ADK: variants seen among roughly 807,000 people sequenced by gnomAD.
The protein encoded by ADK is N6,N6-dimethyladenosine kinase.
ADK carries 24 observed loss-of-function variants against 44.7 expected under a neutral mutation model. The observed-to-expected ratio is 0.54, with a 90% CI of 0.39 to 0.76. ADK has a LOEUF of 0.76. Ranked by LOEUF, ADK falls within the 30% of genes least tolerant of loss-of-function variation. The probability of loss-of-function intolerance (pLI) is 0.00; values close to 1 mark genes in which losing one functional copy is unlikely to be tolerated. For missense variants in ADK, 321 were observed against 425.1 expected (o/e 0.76, Z 2.15); for synonymous variants, 128 against 142.6 (o/e 0.90, Z 0.73).
At chr10:74,674,467 C>T (rs1473598274) in intron 10 of ADK, among the ~76,000 whole-genome samples, 1 of 152,148 alleles carries the variant, frequency 6.6e-6, no homozygotes, top group African/African-American at 2.4e-5. Flanking sequence ...AACTCTGTCT[C>T]TACTAAAAAT....
chr10:74,225,486 C>T (rs1057479560), intron 3 of ADK, among the ~76,000 whole-genome samples: 1 of 152,140 alleles, frequency 6.6e-6, no homozygotes, highest in Non-Finnish European at 1.5e-5. Flanking sequence ...TAGAGGACTT[C>T]AAGACTATTA....
intron 4 of ADK, among the ~76,000 whole-genome samples, chr10:74,392,824 A>C (rs1156898865): frequency 6.6e-6 from 1 of 152,082 alleles, no homozygotes; most frequent in African/African-American, 2.4e-5. Flanking sequence ...GAAGTTAACA[A>C]AATATCCTGG....
In ADK at chr10:74,370,230, C is replaced by G. The variant is rs192018883; in HGVS notation, c.274-23911C>G. Among the ~76,000 whole-genome samples, 280 of 152,210 alleles carry G rather than the reference C, an allele frequency of 1.8e-3. 4 individuals carry two copies. Among genetic ancestry groups the G allele is most frequent in the Non-Finnish European group, 7.9e-4 (54 of 67,978 alleles). ...AGCCAAAACTTAAACAATTGTACAC[C>G]TTAAATATGTACAGTTAATTTTGTT... On this transcript the variant is annotated intron_variant, in intron 4 of 10. Coordinates refer to ENST00000539909, the MANE Select transcript of ADK (RefSeq NM_006721.4).
intron 6 of ADK, among the ~76,000 whole-genome samples, chr10:74,461,000 A>G (rs1390914079): frequency 6.6e-6 from 1 of 152,188 alleles, no homozygotes; most frequent in African/African-American, 2.4e-5. Flanking sequence ...AATAAAAGAC[A>G]CTGTTGTAAT....
chr10:74,481,422 C>T (rs1014096833), intron 6 of ADK, among the ~76,000 whole-genome samples: 1 of 152,138 alleles, frequency 6.6e-6, no homozygotes. Context: ...TTTACACAGT[C>T]CTGACCTCCA....
intron 6 of ADK, among the ~76,000 whole-genome samples, chr10:74,493,097 T>G (rs776863308): frequency 6.6e-6 from 1 of 152,186 alleles, no homozygotes; most frequent in Non-Finnish European, 1.5e-5. Flanking sequence ...AATTTTTATA[T>G]CTGTAAAATG....
chr10:74,525,558 A>ACAAAATTGCCTCAGTT, intron 7 of ADK, 132 bp downstream of exon 7: 1 of 794,490 alleles, frequency 1.3e-6, no homozygotes, highest in Non-Finnish European at 2.0e-6. Context: ...GAATTGTGCA[A>ACAAAATTGCCTCAGTT]CAAAATTGCC....
chr10:74,367,723 C>T (rs1181398754), intron 4 of ADK, among the ~76,000 whole-genome samples: 1 of 152,146 alleles, frequency 6.6e-6, no homozygotes, highest in African/African-American at 2.4e-5. Context: ...ATACTGTAAA[C>T]AAGTGTCCTT....
chr10:74,651,891 C>G (rs1854286468), intron 9 of ADK, among the ~76,000 whole-genome samples: 2 of 151,966 alleles, frequency 1.3e-5, no homozygotes, highest in African/African-American at 4.8e-5. Context: ...GGTAAGAAGC[C>G]AGATATAAAA....
At position 74,431,507 on chromosome 10, in the gene ADK, G is replaced by A. The variant is rs539164155; in HGVS notation, c.555+32928G>A. Among the ~76,000 whole-genome samples the A allele has an allele frequency of 3.3e-5, 5 of 152,228 alleles. No individual in the cohort carries two copies. In the South Asian group the frequency reaches 8.3e-4, roughly 25 times the overall value. ...TGTAATCCCAACACTTTGGGAGGCC[G>A]AGGTGGGCAGATCACTTGAGGTCAG... On this transcript the variant is annotated intron_variant, in intron 6 of 10. Transcript: ENST00000539909.
chr10:74,522,934 A>G (rs983803912), intron 6 of ADK, among the ~76,000 whole-genome samples: 6 of 152,016 alleles, frequency 3.9e-5, no homozygotes, highest in Non-Finnish European at 8.8e-5. Flanking sequence ...CCTGCCCTTA[A>G]AAGCAAATCT....
At chr10:74,180,156 G>C (rs1348648894) in intron 1 of ADK, among the ~76,000 whole-genome samples, 2 of 151,242 alleles carry the variant, frequency 1.3e-5, no homozygotes, top group Non-Finnish European at 2.9e-5. Flanking sequence ...GAATATCTTG[G>C]GCCCCACTGA....
chr10:74,698,170 A>G (rs1442214595), intron 10 of ADK, among the ~76,000 whole-genome samples: 1 of 152,198 alleles, frequency 6.6e-6, no homozygotes, highest in Non-Finnish European at 1.5e-5. Flanking sequence ...ACGTCTCCTA[A>G]AGCTGGGAAA....
chr10:74,259,372 G>A (rs901251448), intron 3 of ADK, among the ~76,000 whole-genome samples: 2 of 150,262 alleles, frequency 1.3e-5, no homozygotes, highest in South Asian at 2.1e-4. Flanking sequence ...AATGATCTTT[G>A]TTTTCTGTGA....
intron 6 of ADK, among the ~76,000 whole-genome samples, chr10:74,406,459 A>G (rs1251888666): frequency 6.6e-6 from 1 of 151,146 alleles, no homozygotes; most frequent in East Asian, 1.9e-4. Flanking sequence ...TTATTTAACA[A>G]TAAGTTTTCT....
At chr10:74,565,596 G>A (rs1371212099) in intron 7 of ADK, among the ~76,000 whole-genome samples, 3 of 151,674 alleles carry the variant, frequency 2.0e-5, no homozygotes. Context: ...GCATGGTGGC[G>A]CATGCCTGTA....
intron 1 of ADK, among the ~76,000 whole-genome samples, chr10:74,153,489 C>T (rs185939028): frequency 1.3e-5 from 2 of 152,218 alleles, no homozygotes; most frequent in Non-Finnish European, 2.9e-5. Flanking sequence ...TTTCTAGGCT[C>T]GGTTGCTTTT....
At chr10:74,164,854 G>C (rs1167337251) in intron 1 of ADK, among the ~76,000 whole-genome samples, 1 of 152,132 alleles carries the variant, frequency 6.6e-6, no homozygotes, top group Non-Finnish European at 1.5e-5. Context: ...CTCGATTCCT[G>C]AGAAGACGTG....
chr10:74,493,436 A>C (rs10762626), intron 6 of ADK, among the ~76,000 whole-genome samples: 90,624 of 149,532 alleles, frequency 0.61, 29,970 homozygotes, highest in Middle Eastern at 0.78. Context: ...CCTCATCTAT[A>C]TATATATATA....
Sources: gnomAD v4.1 joint callset for allele counts (sites outside exome capture counted in the v4.1 genomes callset) on GRCh38, gnomAD v4.1.1 for gene constraint, MANE v1.5 for transcripts, NCBI Gene and HGNC (gene_info 2026-07-23, HGNC 2026-07-21) for gene names.